CDIN1: variants seen among roughly 807,000 people sequenced by gnomAD.
The protein encoded by CDIN1 is CDAN1-interacting nuclease 1.
Under a neutral mutation model 45.3 loss-of-function variants are expected in CDIN1, and 33 were observed. The observed-to-expected ratio is 0.73, with a 90% CI of 0.55 to 0.97. CDIN1 has a LOEUF of 0.97. Ranked by LOEUF, CDIN1 falls within the 50% of genes least tolerant of loss-of-function variation. The pLI, the probability that CDIN1 is intolerant of heterozygous loss-of-function variation, is 0.00. For missense variants in CDIN1, 303 were observed against 339.4 expected (o/e 0.89, Z 0.84); for synonymous variants, 118 against 124.4 (o/e 0.95, Z 0.34).
At chr15:36,708,699 A>T (rs2042954209) in intron 8 of CDIN1, 1 of 152,176 alleles carries the variant, frequency 6.6e-6, no homozygotes, top group Non-Finnish European at 1.5e-5. Context: ...GGAATTAAGC[A>T]GGATAACTAA....
intron 3 of CDIN1, among the ~76,000 whole-genome samples, chr15:36,650,672 G>T (rs187152662): frequency 6.6e-6 from 1 of 151,892 alleles, no homozygotes; most frequent in Non-Finnish European, 1.5e-5. Context: ...CAAACTCCTG[G>T]CCTCAAATGA....
At chr15:36,663,310 CAG>C (rs2140494471) in intron 5 of CDIN1, among the ~76,000 whole-genome samples, 1 of 152,242 alleles carries the variant, frequency 6.6e-6, no homozygotes, top group African/African-American at 2.4e-5. Flanking sequence ...TTCTGAATAG[CAG>C]AGTGACTTGA....
chr15:36,656,238 T>C (rs528793803), intron 4 of CDIN1, among the ~76,000 whole-genome samples: 3 of 152,318 alleles, frequency 2.0e-5, no homozygotes, highest in South Asian at 2.1e-4. Context: ...GGTAATACTT[T>C]ATGAGCTGAT....
At chr15:36,721,364 A>G (rs1417220161) in intron 10 of CDIN1, among the ~76,000 whole-genome samples, 1 of 152,060 alleles carries the variant, frequency 6.6e-6, no homozygotes, top group Non-Finnish European at 1.5e-5. Context: ...TCTCACAAAT[A>G]TTTACATATT....
intron 7 of CDIN1, 101 bp from the exon 8 acceptor site, chr15:36,697,222 G>C (rs2042462525): frequency 1.1e-6 from 1 of 873,104 alleles, no homozygotes; most frequent in Non-Finnish European, 1.9e-6. Context: ...CCAAGATGTG[G>C]ACTAAGGGTG....
At chr15:36,642,130 G>A (rs966420712) in intron 1 of CDIN1, among the ~76,000 whole-genome samples, 7 of 152,042 alleles carry the variant, frequency 4.6e-5, no homozygotes, top group Non-Finnish European at 8.8e-5. Flanking sequence ...ATTTCCCTCC[G>A]GTGTCCCTTC....
intron 1 of CDIN1, chr15:36,618,376 C>T: frequency 1.4e-6 from 1 of 693,902 alleles, no homozygotes; most frequent in Non-Finnish European, 2.6e-6. Flanking sequence ...AAGGAGACTT[C>T]CACTTTGCAG....
chr15:36,742,261 A>C (rs1369244868), intron 10 of CDIN1, among the ~76,000 whole-genome samples: 1 of 152,216 alleles, frequency 6.6e-6, no homozygotes, highest in African/African-American at 2.4e-5. Context: ...TATATCTATA[A>C]ATACATAAAA....
intron 1 of CDIN1, among the ~76,000 whole-genome samples, chr15:36,581,977 A>G (rs1413820066): frequency 6.6e-6 from 1 of 152,212 alleles, no homozygotes; most frequent in Non-Finnish European, 1.5e-5. Flanking sequence ...CAATATCAAA[A>G]AATTACATTT....
intron 10 of CDIN1, among the ~76,000 whole-genome samples, chr15:36,713,118 G>A (rs1207366275): frequency 6.6e-6 from 1 of 152,114 alleles, no homozygotes; most frequent in African/African-American, 2.4e-5. Context: ...TCTCTAATGT[G>A]TGACCTTTCA....
intron 10 of CDIN1, among the ~76,000 whole-genome samples, chr15:36,718,393 G>A (rs2043287921): frequency 6.6e-6 from 1 of 151,966 alleles, no homozygotes; most frequent in South Asian, 2.1e-4. Flanking sequence ...TCCTATAAAA[G>A]CCTGCTGCGA....
chr15:36,692,072 G>A lies in CDIN1; in HGVS notation c.427-54G>A. The A allele has an allele frequency of 1.9e-6, 3 of 1,541,042 alleles. No homozygotes were observed. The African/African-American group carries it at 4.1e-5, about 21-fold the overall frequency. On this transcript the variant is annotated intron_variant, in intron 6 of 10. Transcript: ENST00000566621. Reference sequence around the variant, plus strand: ...TACTGCTTTTAGGATATTGTTTACTGTAATAGTTTTTGTAGCCGCCCCACC... The same window carrying A: ...TACTGCTTTTAGGATATTGTTTACTATAATAGTTTTTGTAGCCGCCCCACC...
chr15:36,755,600 CTG>C (rs1566952466), intron 10 of CDIN1, among the ~76,000 whole-genome samples: 1 of 151,846 alleles, frequency 6.6e-6, no homozygotes, highest in Non-Finnish European at 1.5e-5. Context: ...TCTCAGTAAA[CTG>C]TCATGCCTAG....
At chr15:36,721,766 G>A (rs1309731518) in intron 10 of CDIN1, among the ~76,000 whole-genome samples, 1 of 151,446 alleles carries the variant, frequency 6.6e-6, no homozygotes, top group Non-Finnish European at 1.5e-5. Context: ...TAAGTTCCTG[G>A]AATTTCTCTC....
At chr15:36,603,534 G>A (rs760059545) in intron 1 of CDIN1, among the ~76,000 whole-genome samples, 1 of 152,100 alleles carries the variant, frequency 6.6e-6, no homozygotes, top group Non-Finnish European at 1.5e-5. Flanking sequence ...TGATGGAGGG[G>A]GTTGGAGATA....
At chr15:36,627,050 A>ATCT (rs1301842490) in intron 1 of CDIN1, 17 of 169,628 alleles carry the variant, frequency 1.0e-4, no homozygotes, top group African/African-American at 3.8e-4. Flanking sequence ...GGTGATGCCG[A>ATCT]GATGGTCTGG....
In CDIN1 at chr15:36,746,752, CT is replaced by C. The variant is rs760613983; in HGVS notation, c.716+36816del. On this transcript the variant is annotated intron_variant, in intron 10 of 10. Coordinates refer to ENST00000566621, the MANE Select transcript of CDIN1 (RefSeq NM_001321759.2). ...GTATCATTAAAAGTTGGAAACGTGT[CT>C]TTTTTTTTTTTTTTTTTTTTTTTTG... Among the ~76,000 whole-genome samples, 2,637 of 74,256 alleles carry C rather than the reference CT, an allele frequency of 0.036. 37 individuals carry two copies. Among genetic ancestry groups the C allele is most frequent in the African/African-American group, 0.13 (2,074 of 16,390 alleles). The allele number at this position is 74,256 out of a possible 152,430, so 48.7% of individuals were successfully genotyped here.
intron 1 of CDIN1, among the ~76,000 whole-genome samples, chr15:36,605,832 A>G (rs1711803808): frequency 6.6e-6 from 1 of 152,216 alleles, no homozygotes; most frequent in Non-Finnish European, 1.5e-5. Flanking sequence ...CAGGCTAATT[A>G]TACCCACAAG....
At chr15:36,702,841 G>C (rs895849690) in intron 8 of CDIN1, among the ~76,000 whole-genome samples, 3 of 152,046 alleles carry the variant, frequency 2.0e-5, no homozygotes, top group Non-Finnish European at 4.4e-5. Flanking sequence ...GTGATTGCCA[G>C]TTTGTTTAAT....
Sources: gnomAD v4.1 joint callset for allele counts (sites outside exome capture counted in the v4.1 genomes callset) on GRCh38, gnomAD v4.1.1 for gene constraint, MANE v1.5 for transcripts, NCBI Gene and HGNC (gene_info 2026-07-23, HGNC 2026-07-21) for gene names.